Variants in VPS35 observed in about 807,000 individuals in gnomAD.
The protein encoded by VPS35 is vacuolar protein sorting-associated protein 35.
In VPS35, 21 loss-of-function variants were observed where a neutral mutation model predicts 98.1. That is an observed-to-expected ratio of 0.21 (90% CI 0.15 to 0.31). The LOEUF is 0.31. VPS35 is among the 10% of genes least tolerant of loss of function. The pLI, the probability that VPS35 is intolerant of heterozygous loss-of-function variation, is 1.00. For synonymous variants in VPS35, 268 were observed against 318.2 expected (o/e 0.84, Z 1.68); for missense variants, 554 against 950.8 (o/e 0.58, Z 5.49).
intron 1 of VPS35, among the ~76,000 whole-genome samples, chr16:46,684,675 C>T (rs1345022381): frequency 1.3e-5 from 2 of 152,138 alleles, no homozygotes; most frequent in Non-Finnish European, 2.9e-5. Context: ...TTATAAATGA[C>T]GGTCATTTTT....
chr16:46,666,288 G>A (rs1162160559), intron 13 of VPS35, among the ~76,000 whole-genome samples: 1 of 135,738 alleles, frequency 7.4e-6, no homozygotes, highest in Non-Finnish European at 1.6e-5. Context: ...TTTTTTTTTA[G>A]ACGGAGTTTC....
chr16:46,684,220 C>G (rs1434695394), intron 1 of VPS35, among the ~76,000 whole-genome samples: 1 of 152,168 alleles, frequency 6.6e-6, no homozygotes, highest in African/African-American at 2.4e-5. Context: ...CCAACCCAGA[C>G]ATAGCCATCT....
chr16:46,664,227 C>T (rs966828304), intron 13 of VPS35, among the ~76,000 whole-genome samples: 3 of 151,960 alleles, frequency 2.0e-5, no homozygotes, highest in African/African-American at 7.3e-5. Context: ...GGTGCGATCT[C>T]GGCTCACTGC....
intron 10 of VPS35, among the ~76,000 whole-genome samples, 175 bp downstream of exon 10, chr16:46,674,138 AT>A (rs1966106588): frequency 6.6e-6 from 1 of 152,208 alleles, no homozygotes; most frequent in Admixed American, 6.5e-5. Flanking sequence ...TTTCCTTAAT[AT>A]AAAAAAACAA....
chr16:46,665,689 T>G (rs1461015346), intron 13 of VPS35, among the ~76,000 whole-genome samples: 1 of 152,180 alleles, frequency 6.6e-6, no homozygotes, highest in Non-Finnish European at 1.5e-5. Context: ...GCTAGTTACT[T>G]TTATTTATTT....
chr16:46,678,434 C>T (rs1966184233), intron 6 of VPS35, among the ~76,000 whole-genome samples: 1 of 152,034 alleles, frequency 6.6e-6, no homozygotes, highest in South Asian at 2.1e-4. Flanking sequence ...CAGCACATGT[C>T]TTACAAAGCC....
chr16:46,676,065 CAAAAAA>C (rs369452932), intron 8 of VPS35, among the ~76,000 whole-genome samples: 1 of 63,594 alleles, frequency 1.6e-5, no homozygotes, highest in African/African-American at 6.9e-5. Flanking sequence ...GGATCTGTCT[CAAAAAA>C]AAAAAAAAAA....
chr16:46,688,807 G>A (rs1036298277), intron 1 of VPS35: 2 of 1,352,386 alleles, frequency 1.5e-6, no homozygotes, highest in Non-Finnish European at 1.9e-6. Context: ...CGGTCCCCTC[G>A]TGGTAGGCAG....
intron 10 of VPS35, among the ~76,000 whole-genome samples, chr16:46,672,890 C>A (rs1300140307): frequency 6.6e-6 from 1 of 152,126 alleles, no homozygotes; most frequent in African/African-American, 2.4e-5. Context: ...TTTGACACAA[C>A]AGAAAAACAC....
rs794558 is a variant in VPS35 at position 46,658,924 on chromosome 16, T to G, written c.*1548A>C. 2 of 152,220 alleles carry G rather than the reference T, an allele frequency of 1.3e-5. No individual in the cohort carries two copies. The highest frequency in any genetic ancestry group is 2.9e-5 in the Non-Finnish European group (2 of 68,052). 9.4% of individuals were successfully genotyped at this position (152,220 alleles called of 1,614,324 possible). On this transcript the variant is annotated 3_prime_UTR_variant, in exon 17 of 17. Transcript: ENST00000299138. Reference sequence around the variant, plus strand: ...TTTCCCTTTAAGAGGTGGAGCTTAATTCTCCTTACCCTTGAATATAGGCTA... The same window carrying G: ...TTTCCCTTTAAGAGGTGGAGCTTAAGTCTCCTTACCCTTGAATATAGGCTA...
intron 1 of VPS35, among the ~76,000 whole-genome samples, chr16:46,684,222 T>C (rs759546023): frequency 3.9e-4 from 60 of 152,230 alleles, no homozygotes; most frequent in Admixed American, 1.9e-3. Flanking sequence ...AACCCAGACA[T>C]AGCCATCTGA....
chr16:46,689,169 C>T lies in VPS35; in HGVS notation c.-36G>A. On this transcript the variant is annotated 5_prime_UTR_variant, in exon 1 of 17. Coordinates refer to ENST00000299138, the MANE Select transcript of VPS35 (RefSeq NM_018206.6). The stretch of plus-strand genomic sequence containing the variant: ...CAGAGCCTGCAGCAAGCAGCACCCG[C>T]CCCGCGCGTAGCCTCCCGCGGTCAT... 1 of 1,603,454 alleles carries T rather than the reference C, an allele frequency of 6.2e-7. No homozygotes were observed. The highest frequency in any genetic ancestry group is 8.5e-7 in the Non-Finnish European group (1 of 1,176,112).
rs1965876663 is a variant in VPS35, at chr16:46,659,622, A to T, written c.*850T>A. 6.6e-6 allele frequency: 1 copy of T among 152,168 alleles called. No homozygotes were observed. Among genetic ancestry groups the T allele is most frequent in the Non-Finnish European group, 1.5e-5 (1 of 68,034 alleles). The allele number at this position is 152,168 out of a possible 1,614,324, so 9.4% of individuals were successfully genotyped here. A position where few individuals can be genotyped will look rare whatever the true frequency, so the allele number is the denominator to read the frequency against. The stretch of plus-strand genomic sequence containing the variant: ...GACTATTAAACTCTATAGCCATACT[A>T]CTAGTACTTTTTATCAATTAAAGAT... On this transcript the variant is annotated 3_prime_UTR_variant, in exon 17 of 17. Coordinates refer to ENST00000299138, the MANE Select transcript of VPS35 (RefSeq NM_018206.6).
chr16:46,679,134 T>G lies in VPS35; in HGVS notation c.529A>C (p.Ser177Arg). ...PTDEETTGDISDSMDFVLLNF... is the reference protein window; with the variant it reads ...PTDEETTGDIRDSMDFVLLNF... ...AGCAGTACAAAATCCATGGAATCACTGATGTCACCAGTTGTTTCTTCACTG... is the reference window on the plus strand; with the variant it reads ...AGCAGTACAAAATCCATGGAATCACGGATGTCACCAGTTGTTTCTTCACTG... Residue 177 changes from serine to arginine, a missense_variant, in exon 6 of 17, where the codon AGT becomes CGT. By Grantham distance (110) the Ser-to-Arg change is moderately radical. This residue lies in a region of VPS35 where 77 missense variants were observed against 222.3 expected (regional missense o/e 0.35). Coordinates refer to ENST00000299138, the MANE Select transcript of VPS35 (RefSeq NM_018206.6). 1 of 1,612,190 alleles carries G rather than the reference T, an allele frequency of 6.2e-7. No homozygotes were observed. Among genetic ancestry groups the G allele is most frequent in the Non-Finnish European group, 8.5e-7 (1 of 1,178,848 alleles).
rs1567467709 is a variant in VPS35, at chr16:46,661,719, G to GC, written c.2209dup (p.Ala737GlyfsTer22). ...ACAACACTTTACTAATTCACTTACC[G>GC]CATCATTTTCCTTTTCATAAAAATA... On this transcript the variant is annotated frameshift_variant and splice_region_variant, in exon 16 of 17. Transcript: ENST00000299138. LOFTEE classifies it high-confidence loss of function. The surrounding 1 kb of genome is among the most constrained non-coding windows in gnomAD (Gnocchi z 4.3). 6.2e-7 allele frequency: 1 copy of GC among 1,604,278 alleles called. No homozygotes were observed. Among genetic ancestry groups the GC allele is most frequent in the Non-Finnish European group, 8.5e-7 (1 of 1,171,318 alleles).
intron 3 of VPS35, 69 bp from the exon 4 acceptor site, chr16:46,681,569 A>G (rs1385381473): frequency 3.9e-6 from 6 of 1,557,956 alleles, no homozygotes; most frequent in Non-Finnish European, 4.4e-6. Flanking sequence ...AACTTGTTGG[A>G]GTCATTACTA....
chr16:46,660,351 G>A lies in VPS35; in HGVS notation c.*121C>T. On this transcript the variant is annotated 3_prime_UTR_variant, in exon 17 of 17. Transcript: ENST00000299138. ...GAGGTGCTGGGTAAAACACATCACA[G>A]GTAAGAAATGGGAAACCTACCTCAG... 8.0e-7 allele frequency: 1 copy of A among 1,255,456 alleles called. No homozygotes were observed. Among genetic ancestry groups the A allele is most frequent in the South Asian group, 1.2e-5 (1 of 81,526 alleles). The allele number at this position is 1,255,456 out of a possible 1,614,324, so 77.8% of individuals were successfully genotyped here.
chr16:46,668,281 G>A (rs1168976853), intron 13 of VPS35, among the ~76,000 whole-genome samples: 1 of 152,170 alleles, frequency 6.6e-6, no homozygotes, highest in African/African-American at 2.4e-5. Context: ...TGTAATCCCA[G>A]CTACTTAGGA....
chr16:46,674,357 G>T lies in VPS35; in HGVS notation c.1117C>A (p.Leu373Ile). ...TTGAATATCTCCACTGTTGTTTCTA[G>T]AACTTTATCAACATAGTCCACACGA... ...PDRVDYVDKV[L>I]ETTVEIFNKL... is the part of the protein sequence containing the mutation. Residue 373 changes from leucine to isoleucine, a missense_variant, in exon 10 of 17, where the codon CTA becomes ATA. Transcript: ENST00000299138. The T allele has an allele frequency of 6.2e-7, 1 of 1,614,050 alleles. No individual in the cohort carries two copies. Among genetic ancestry groups the T allele is most frequent in the South Asian group, 1.1e-5 (1 of 91,072 alleles).
Sources: gnomAD v4.1 joint callset for allele counts (sites outside exome capture counted in the v4.1 genomes callset) on GRCh38, gnomAD v4.1.1 for gene constraint, gnomAD v4.1.1 regional missense constraint, Gnocchi (gnomAD v3.1) non-coding constraint, MANE v1.5 for transcripts, NCBI Gene and HGNC (gene_info 2026-07-23, HGNC 2026-07-21) for gene names.